Variants in SLC12A2 observed in about 807,000 individuals in gnomAD.
The protein encoded by SLC12A2 is solute carrier family 12 member 2.
In SLC12A2, 67 loss-of-function variants were observed where a neutral mutation model predicts 136.3. The ratio of observed to expected loss-of-function variants is 0.49; its 90% CI spans 0.40 to 0.60. The LOEUF is 0.60. Ranked by LOEUF, SLC12A2 falls within the 20% of genes least tolerant of loss-of-function variation. The pLI, the probability that SLC12A2 is intolerant of heterozygous loss-of-function variation, is 0.00. For synonymous variants in SLC12A2, 619 were observed against 562.9 expected (o/e 1.10, Z -1.41); for missense variants, 1,322 against 1,534.7 (o/e 0.86, Z 2.32).
At chr5:128,150,898 A>G (rs145459820) in intron 13 of SLC12A2, among the ~76,000 whole-genome samples, 1 of 152,062 alleles carries the variant, frequency 6.6e-6, no homozygotes, top group African/African-American at 2.4e-5. Context: ...AGTTACTACT[A>G]AGGATTCAAT....
intron 1 of SLC12A2, among the ~76,000 whole-genome samples, chr5:128,095,182 C>T (rs1352535650): frequency 1.3e-5 from 2 of 152,136 alleles, no homozygotes; most frequent in Non-Finnish European, 2.9e-5. Flanking sequence ...TCAGTGGAAT[C>T]TGTTTTCTTT....
chr5:128,153,491 G>T (rs533701428), intron 15 of SLC12A2, among the ~76,000 whole-genome samples: 1 of 152,116 alleles, frequency 6.6e-6, no homozygotes, highest in Non-Finnish European at 1.5e-5. Flanking sequence ...GGAGGCGGAG[G>T]TTGCAGTGAG....
At chr5:128,131,609 CAGG>C (rs1206498251) in intron 5 of SLC12A2, among the ~76,000 whole-genome samples, 1 of 150,840 alleles carries the variant, frequency 6.6e-6, no homozygotes, top group Non-Finnish European at 1.5e-5. Flanking sequence ...GAGGCTGAGG[CAGG>C]AGAATGGTGT....
intron 25 of SLC12A2, 54 bp from the exon 26 acceptor site, chr5:128,184,735 T>C (rs753519027): frequency 1.9e-6 from 3 of 1,609,222 alleles, no homozygotes; most frequent in South Asian, 1.1e-5. Flanking sequence ...TTATGAACCA[T>C]GCTAAATTCT....
intron 9 of SLC12A2, among the ~76,000 whole-genome samples, chr5:128,139,268 AT>A (rs1368452064): frequency 6.7e-6 from 1 of 149,920 alleles, no homozygotes; most frequent in African/African-American, 2.5e-5. Flanking sequence ...TAAGATGGTT[AT>A]TTATTTTTTT....
intron 1 of SLC12A2, among the ~76,000 whole-genome samples, chr5:128,109,195 A>G (rs996291384): frequency 2.0e-5 from 3 of 152,272 alleles, no homozygotes; most frequent in Admixed American, 2.0e-4. Flanking sequence ...TTCAAAAAAT[A>G]TACTTAATTA....
intron 4 of SLC12A2, among the ~76,000 whole-genome samples, chr5:128,120,855 A>G (rs1761546096): frequency 6.6e-6 from 1 of 151,726 alleles, no homozygotes; most frequent in African/African-American, 2.4e-5. Context: ...AACTTAAAGT[A>G]TAATAATAAT....
At chr5:128,182,323 A>T (rs1763730582) in intron 23 of SLC12A2, among the ~76,000 whole-genome samples, 1 of 152,114 alleles carries the variant, frequency 6.6e-6, no homozygotes, top group African/African-American at 2.4e-5. Flanking sequence ...TCAGAAAGGT[A>T]TTTACTGGAA....
chr5:128,129,622 G>A (rs564973260), intron 4 of SLC12A2, among the ~76,000 whole-genome samples: 11 of 152,150 alleles, frequency 7.2e-5, no homozygotes, highest in African/African-American at 2.6e-4. Context: ...TGCATCATTA[G>A]TACTTTAACT....
chr5:128,133,427 CT>C (rs945344864), intron 5 of SLC12A2, among the ~76,000 whole-genome samples: 1 of 151,912 alleles, frequency 6.6e-6, no homozygotes, highest in African/African-American at 2.4e-5. Flanking sequence ...GAAATAATTT[CT>C]TTTGAAAAGC....
chr5:128,090,949 T>C (rs1561650632), intron 1 of SLC12A2, among the ~76,000 whole-genome samples: 1 of 152,186 alleles, frequency 6.6e-6, no homozygotes, highest in Non-Finnish European at 1.5e-5. Context: ...GGGGAAGGCA[T>C]TGTAGGGTTT....
At chr5:128,124,063 C>G (rs540235651) in intron 4 of SLC12A2, among the ~76,000 whole-genome samples, 5 of 152,314 alleles carry the variant, frequency 3.3e-5, no homozygotes, top group African/African-American at 1.2e-4. Flanking sequence ...GTGCTTTTCT[C>G]AGAAATTAAT....
At chr5:128,158,697 A>G (rs1220718176) in intron 16 of SLC12A2, among the ~76,000 whole-genome samples, 2 of 152,138 alleles carry the variant, frequency 1.3e-5, no homozygotes, top group Non-Finnish European at 2.9e-5. Context: ...AGAACAATTT[A>G]TGTTCCTTTG....
chr5:128,130,261 A>C (rs1236742105), intron 4 of SLC12A2, among the ~76,000 whole-genome samples: 2 of 152,042 alleles, frequency 1.3e-5, no homozygotes, highest in South Asian at 2.1e-4. Flanking sequence ...ATAATACAAA[A>C]ATCAGTCATG....
chr5:128,105,261 T>G (rs1343958295), intron 1 of SLC12A2, among the ~76,000 whole-genome samples: 8 of 152,198 alleles, frequency 5.3e-5, no homozygotes, highest in African/African-American at 1.7e-4. Context: ...AAGCCGTCAC[T>G]TACGACTTAA....
At chr5:128,154,279 A>C (rs1031003844) in intron 15 of SLC12A2, among the ~76,000 whole-genome samples, 2 of 152,064 alleles carry the variant, frequency 1.3e-5, no homozygotes, top group African/African-American at 4.8e-5. Flanking sequence ...TTTACAAAAT[A>C]GCCAAGTATG....
At position 128,184,870 on chromosome 5, in the gene SLC12A2, T is replaced by TTA; in HGVS notation, c.3503+17_3503+18dup. The TTA allele has an allele frequency of 6.4e-7, 1 of 1,562,042 alleles. No homozygotes were observed. Among genetic ancestry groups the TTA allele is most frequent in the Non-Finnish European group, 8.8e-7 (1 of 1,134,098 alleles). On this transcript the variant is annotated intron_variant, in intron 26 of 26. Coordinates refer to ENST00000262461, the MANE Select transcript of SLC12A2 (RefSeq NM_001046.3). ...TATTATTGTCATGTAAGTAATATCT[T>TTA]TATAAAGATTTTCTTGCTAATTTAT...
At chr5:128,098,768 T>C (rs1019958713) in intron 1 of SLC12A2, among the ~76,000 whole-genome samples, 1 of 152,148 alleles carries the variant, frequency 6.6e-6, no homozygotes, top group African/African-American at 2.4e-5. Flanking sequence ...CAGCTACTTA[T>C]TTTTAGGTTG....
chr5:128,160,467 G>A (rs1341255023), intron 16 of SLC12A2, among the ~76,000 whole-genome samples: 1 of 152,050 alleles, frequency 6.6e-6, no homozygotes, highest in Non-Finnish European at 1.5e-5. Context: ...GAAGAAATAG[G>A]CAAATTGTGA....
Sources: gnomAD v4.1 joint callset for allele counts (sites outside exome capture counted in the v4.1 genomes callset) on GRCh38, gnomAD v4.1.1 for gene constraint, MANE v1.5 for transcripts, NCBI Gene and HGNC (gene_info 2026-07-23, HGNC 2026-07-21) for gene names.